The following CERK variants were observed in gnomAD, a reference collection of about 807,000 sequenced individuals.
CERK encodes acylsphingosine kinase.
In CERK, 39 loss-of-function variants were observed where a neutral mutation model predicts 63.4. That is an observed-to-expected ratio of 0.61 (90% CI 0.48 to 0.80). CERK has a LOEUF of 0.80. Ranked by LOEUF, CERK falls within the 30% of genes least tolerant of loss-of-function variation. The probability of loss-of-function intolerance (pLI) is 0.00; values close to 1 mark genes in which losing one functional copy is unlikely to be tolerated. For synonymous variants in CERK, 302 were observed against 280.0 expected (o/e 1.08, Z -0.78); for missense variants, 670 against 714.1 (o/e 0.94, Z 0.70).
Position 46,686,636 on chromosome 22 carries a change from T to C in CERK, c.*498A>G, listed in dbSNP as rs1023827696. ...CAGTATTGTAAGGATCAAGCAGCGA[T>C]GTCCTAACCGTAAACGAAGAGGAAG... On this transcript the variant is annotated 3_prime_UTR_variant, in exon 13 of 13. Transcript: ENST00000216264. 1 of 169,062 alleles carries C rather than the reference T, an allele frequency of 5.9e-6. No individual in the cohort carries two copies. The highest frequency in any genetic ancestry group is 1.3e-5 in the Non-Finnish European group (1 of 76,682). The allele number at this position is 169,062 out of a possible 1,614,324, so 10.5% of individuals were successfully genotyped here.
chr22:46,690,486 A>G (rs78646034), intron 11 of CERK, among the ~76,000 whole-genome samples: 2,788 of 152,158 alleles, frequency 0.018, 78 homozygotes, highest in African/African-American at 0.064. Context: ...AATGACTTCT[A>G]ATGCTTTTAG....
intron 1 of CERK, among the ~76,000 whole-genome samples, chr22:46,727,367 C>A (rs575875781): frequency 6.6e-6 from 1 of 152,108 alleles, no homozygotes; most frequent in African/African-American, 2.4e-5. Context: ...GCAGCCTCGA[C>A]CTCCCAGGCT....
chr22:46,717,331 T>C (rs1001446140), intron 3 of CERK, among the ~76,000 whole-genome samples: 4 of 152,194 alleles, frequency 2.6e-5, no homozygotes, highest in Non-Finnish European at 5.9e-5. Flanking sequence ...TCTAGAATGT[T>C]CCCAATGCTA....
intron 1 of CERK, among the ~76,000 whole-genome samples, chr22:46,734,069 T>TATATATATATATATATACATACATAC (rs1555990290): frequency 5.4e-4 from 26 of 47,780 alleles, no homozygotes; most frequent in Admixed American, 2.3e-3. Context: ...CATACATACA[T>TATATATATATATATATACATACATAC]ATATATATAT....
Position 46,714,132 on chromosome 22 carries a change from A to G in CERK, c.380-1839T>C, listed in dbSNP as rs1309687906. On this transcript the variant is annotated intron_variant, in intron 3 of 12. Transcript: ENST00000216264. This position sits in a 1 kb window ranked among gnomAD's most constrained non-coding sequence, Gnocchi z 4.4. ...CTAACAATACAAAAATTAGCTGGGA[A>G]TGGTGGCAAGCACCTGTAATTCCAG... is the stretch of plus-strand genomic sequence containing the variant. Among the ~76,000 whole-genome samples, 1 of 152,182 alleles carries G rather than the reference A, an allele frequency of 6.6e-6. No homozygotes were observed. The highest frequency in any genetic ancestry group is 1.5e-5 in the Non-Finnish European group (1 of 68,026).
chr22:46,722,687 T>C (rs914533980), intron 1 of CERK, among the ~76,000 whole-genome samples: 6 of 151,914 alleles, frequency 3.9e-5, no homozygotes, highest in African/African-American at 1.5e-4. Context: ...GCCTCCCAAG[T>C]AGCTGAGATT....
At chr22:46,702,223 A>ATGTGTGTGTGTGTGTG (rs34222392) in intron 6 of CERK, among the ~76,000 whole-genome samples, 10 of 84,780 alleles carry the variant, frequency 1.2e-4, no homozygotes, top group African/African-American at 1.7e-4. Flanking sequence ...AAATATATAT[A>ATGTGTGTGTGTGTGTG]TGTGTGTGTG....
intron 1 of CERK, among the ~76,000 whole-genome samples, chr22:46,732,543 G>A (rs1363729434): frequency 6.6e-6 from 1 of 151,678 alleles, no homozygotes; most frequent in East Asian, 1.9e-4. Context: ...ATTTCTCTGG[G>A]ATAGATAATC....
chr22:46,729,485 C>G (rs923727122), intron 1 of CERK, among the ~76,000 whole-genome samples: 2 of 151,924 alleles, frequency 1.3e-5, no homozygotes, highest in Non-Finnish European at 2.9e-5. Flanking sequence ...CATGGAACAC[C>G]GTAACCTCGA....
chr22:46,728,320 G>A (rs191966970), intron 1 of CERK, among the ~76,000 whole-genome samples: 43 of 152,160 alleles, frequency 2.8e-4, no homozygotes, highest in Admixed American at 9.8e-4. Flanking sequence ...CAGGAACCCC[G>A]CTCTTCCCCC....
chr22:46,713,685 T>G (rs2082854250), intron 3 of CERK, among the ~76,000 whole-genome samples: 1 of 151,926 alleles, frequency 6.6e-6, no homozygotes, highest in African/African-American at 2.4e-5. Context: ...ATAAGCAAAC[T>G]ACTGGGTGCG....
chr22:46,698,234 G>A (rs185269121), intron 8 of CERK, among the ~76,000 whole-genome samples: 1 of 152,386 alleles, frequency 6.6e-6, no homozygotes, highest in Non-Finnish European at 1.5e-5. Context: ...GAGCACTGTG[G>A]AGAATGAAAG....
intron 4 of CERK, 98 bp downstream of exon 4, chr22:46,712,070 G>A (rs1166391322): frequency 1.4e-6 from 2 of 1,385,184 alleles, no homozygotes; most frequent in Non-Finnish European, 1.0e-6. Flanking sequence ...CTGGGCAACA[G>A]AGTGAGACAC....
intron 1 of CERK, among the ~76,000 whole-genome samples, 161 bp from the exon 2 acceptor site, chr22:46,721,176 G>C: frequency 6.6e-6 from 1 of 152,144 alleles, no homozygotes; most frequent in Non-Finnish European, 1.5e-5. Context: ...ACTTTGGGAG[G>C]CTGAGGAGGG....
At chr22:46,716,468 G>C (rs964399387) in intron 3 of CERK, among the ~76,000 whole-genome samples, 3 of 149,784 alleles carry the variant, frequency 2.0e-5, no homozygotes, top group African/African-American at 7.4e-5. Flanking sequence ...TAGGATTATA[G>C]GCGTGAGCCA....
chr22:46,704,101 T>G (rs1423747912), intron 6 of CERK, among the ~76,000 whole-genome samples: 6 of 152,142 alleles, frequency 3.9e-5, no homozygotes, highest in Non-Finnish European at 8.8e-5. Flanking sequence ...TTTGGTGGGG[T>G]GCCTGCTGTC....
intron 8 of CERK, 88 bp from the exon 9 acceptor site, chr22:46,695,403 T>C: frequency 9.5e-6 from 8 of 842,220 alleles, no homozygotes. Flanking sequence ...GAAATGTCGC[T>C]GAGCGCGCAT....
chr22:46,718,504 G>C (rs1373692444), intron 3 of CERK, among the ~76,000 whole-genome samples: 2 of 152,174 alleles, frequency 1.3e-5, no homozygotes, highest in African/African-American at 2.4e-5. Flanking sequence ...AGGACGGTCA[G>C]GATGAGCTTT....
Position 46,703,281 on chromosome 22 carries a change from G to A in CERK, c.716-1571C>T, listed in dbSNP as rs568840232. On this transcript the variant is annotated intron_variant, in intron 6 of 12. Coordinates refer to ENST00000216264, the MANE Select transcript of CERK (RefSeq NM_022766.6). Reference sequence around the variant, plus strand: ...AGATGCTCCAGTGACATCTGTCCCGGAGGCAGCCATCCACGGGAGGCAGCT... The same window carrying A: ...AGATGCTCCAGTGACATCTGTCCCGAAGGCAGCCATCCACGGGAGGCAGCT... 9.9e-5 allele frequency among the ~76,000 whole-genome samples: 15 copies of A among 152,248 alleles called. 1 individual carries two copies. The South Asian group carries it at 3.1e-3, about 32-fold the overall frequency.
Sources: gnomAD v4.1 joint callset for allele counts (sites outside exome capture counted in the v4.1 genomes callset) on GRCh38, gnomAD v4.1.1 for gene constraint, Gnocchi (gnomAD v3.1) non-coding constraint, MANE v1.5 for transcripts, NCBI Gene and HGNC (gene_info 2026-07-23, HGNC 2026-07-21) for gene names.